The following KDM2B variants were observed in gnomAD, a reference collection of about 807,000 sequenced individuals.
KDM2B encodes lysine demethylase 2B.
A neutral mutation model predicts 150.0 loss-of-function variants in KDM2B; 26 were observed. That is an observed-to-expected ratio of 0.17 (90% CI 0.13 to 0.24). KDM2B has a LOEUF of 0.24. Among genes scored for constraint, KDM2B ranks in the 10% least tolerant of loss-of-function variants. The pLI is 1.00. For missense variants in KDM2B, 1,265 were observed against 1,816.9 expected, an observed-to-expected ratio of 0.70 and a Z score of 5.52; for synonymous variants, 734 against 729.5, an observed-to-expected ratio of 1.01 and a Z score of -0.10.
chr12:121,419,179 A>G, the KDM2B span, among the ~76,000 whole-genome samples: 2 of 152,078 alleles, frequency 1.3e-5, no homozygotes, highest in Admixed American at 6.6e-5. Context: ...TTGTGTTTAG[A>G]TATGTTTAGA....
At chr12:121,490,056 C>A (rs1883188801) in intron 12 of KDM2B, among the ~76,000 whole-genome samples, 1 of 152,238 alleles carries the variant, frequency 6.6e-6, no homozygotes, top group African/African-American at 2.4e-5. Flanking sequence ...GGGCCTCTCT[C>A]ACTGAATCAC....
the KDM2B span, chr12:121,423,447 T>C: frequency 6.2e-7 from 1 of 1,613,512 alleles, no homozygotes; most frequent in Non-Finnish European, 8.5e-7. The surrounding 1 kb of genome is among the most constrained non-coding windows in gnomAD (Gnocchi z 4.3). Context: ...TCTGCATGGA[T>C]GCCGTCATCG....
At chr12:121,480,926 T>G (rs1319797860) in intron 12 of KDM2B, among the ~76,000 whole-genome samples, 1 of 119,120 alleles carries the variant, frequency 8.4e-6, no homozygotes, top group Non-Finnish European at 1.9e-5. Flanking sequence ...AGGTGTTTTT[T>G]TTGTTGTTTT....
At chr12:121,505,354 T>C (rs1884976300) in intron 11 of KDM2B, among the ~76,000 whole-genome samples, 2 of 150,652 alleles carry the variant, frequency 1.3e-5, no homozygotes, top group Non-Finnish European at 2.9e-5. Context: ...ATGGTTAAAA[T>C]GGTAAATTGT....
At position 121,525,433 on chromosome 12, in the gene KDM2B, G is replaced by A. The variant is rs140692928; in HGVS notation, c.932-4333C>T. 7.7e-3 allele frequency among the ~76,000 whole-genome samples: 1,171 copies of A among 152,128 alleles called. 11 individuals are homozygous for A. Among genetic ancestry groups the A allele is most frequent in the African/African-American group, 0.027 (1,124 of 41,504 alleles). On this transcript the variant is annotated intron_variant, in intron 8 of 22. Transcript: ENST00000377071. ...AGGCACACAAATTTTTACTAGAGAT[G>A]AGGTTTTACCATGTTGGCCAAGCCG...
chr12:121,490,280 G>A (rs1395014344), intron 12 of KDM2B, among the ~76,000 whole-genome samples: 2 of 152,334 alleles, frequency 1.3e-5, no homozygotes, highest in East Asian at 3.9e-4. Flanking sequence ...AGCTACTGAT[G>A]AGGACTGTCT....
intron 12 of KDM2B, among the ~76,000 whole-genome samples, chr12:121,459,023 T>G (rs376138781): frequency 1.3e-5 from 2 of 150,154 alleles, no homozygotes; most frequent in African/African-American, 4.9e-5. Flanking sequence ...GAGGCAGAGG[T>G]TGTAGTGAGC....
intron 12 of KDM2B, among the ~76,000 whole-genome samples, chr12:121,487,006 G>A (rs1294134742): frequency 2.0e-5 from 3 of 150,796 alleles, no homozygotes; most frequent in East Asian, 2.0e-4. Context: ...TGGGTGTGGC[G>A]GCGCATGCCT....
chr12:121,579,989 G>GAA lies in KDM2B; in HGVS notation c.126+795_126+796dup, dbSNP rs35855511. Reference sequence around the variant, plus strand: ...CTATCATATGCCAGATACAGATTTGGAAAAAAAAAAAAAAAAAAAAAGCTA... The same window carrying GAA: ...CTATCATATGCCAGATACAGATTTGGAAAAAAAAAAAAAAAAAAAAAAAGCTA... On this transcript the variant is annotated intron_variant, in intron 1 of 22. Transcript: ENST00000377071. 9,717 of 1,197,156 alleles carry GAA rather than the reference G, an allele frequency of 8.1e-3. 9 individuals carry two copies. Among genetic ancestry groups the GAA allele is most frequent in the South Asian group, 0.013 (837 of 65,184 alleles). 74.2% of individuals were successfully genotyped at this position (1,197,156 alleles called of 1,614,324 possible).
chr12:121,534,716 T>A, intron 6 of KDM2B, 126 bp from the exon 7 acceptor site: 1 of 674,296 alleles, frequency 1.5e-6, no homozygotes, highest in Non-Finnish European at 2.5e-6. Flanking sequence ...ATTTTCTTTT[T>A]TTCTTCTTTA....
chr12:121,493,036 C>T (rs181611197), intron 12 of KDM2B, among the ~76,000 whole-genome samples: 38 of 140,986 alleles, frequency 2.7e-4, no homozygotes, highest in African/African-American at 9.8e-4. Flanking sequence ...GCTGGGACTA[C>T]AGGCATGCAC....
Position 121,453,387 on chromosome 12 carries a change from G to A in KDM2B, c.1735-43C>T. The A allele has an allele frequency of 6.8e-7, 1 of 1,467,888 alleles. No individual in the cohort carries two copies. Among genetic ancestry groups the A allele is most frequent in the Non-Finnish European group, 9.2e-7 (1 of 1,085,970 alleles). 90.9% of individuals were successfully genotyped at this position (1,467,888 alleles called of 1,614,324 possible). A position where few individuals can be genotyped will look rare whatever the true frequency, so the allele number is the denominator to read the frequency against. On this transcript the variant is annotated intron_variant, in intron 12 of 22. Transcript: ENST00000377071. This position sits in a 1 kb window ranked among gnomAD's most constrained non-coding sequence, Gnocchi z 6.4. ...CGACTGGTCAGATGGGGAGACTGCA[G>A]GCACGGCCAGACCCCCGGAAAGGGT...
At position 121,442,835 on chromosome 12, in the gene KDM2B, C is replaced by A; in HGVS notation, c.2606G>T (p.Arg869Leu). 6.6e-7 allele frequency: 1 copy of A among 1,517,946 alleles called. No homozygotes were observed. Among genetic ancestry groups the A allele is most frequent in the Non-Finnish European group, 8.8e-7 (1 of 1,137,916 alleles). The allele number at this position is 1,517,946 out of a possible 1,614,324, so 94.0% of individuals were successfully genotyped here. A position where few individuals can be genotyped will look rare whatever the true frequency, so the allele number is the denominator to read the frequency against. ...GKEDKLFRKK[R>L]RSWKNAEDRM... ...GTCCTCGGCGTTCTTCCAGGACCGC[C>A]GCTGAGGGCGAGAGCGGAGACGCGT... The change falls in exon 19 of 23, where the codon CGG becomes CTG. Residue 869 changes from arginine to leucine, a missense_variant and splice_region_variant. Around this residue, in one of 11 missense-constraint regions of KDM2B, gnomAD observed 418 missense variants for 402.4 expected, o/e 1.04. Coordinates refer to ENST00000377071, the MANE Select transcript of KDM2B (RefSeq NM_032590.5). The surrounding 1 kb of genome is among the most constrained non-coding windows in gnomAD (Gnocchi z 7.7).
chr12:121,509,733 G>A lies in KDM2B; in HGVS notation c.1481C>T (p.Pro494Leu), dbSNP rs782337879. The change falls in exon 11 of 23, where the codon CCC becomes CTC. Residue 494 changes from proline to leucine, a missense_variant. Pro to Leu is a moderately conservative substitution (Grantham distance 98). Around this residue, in one of 11 missense-constraint regions of KDM2B, gnomAD observed 154 missense variants for 162.5 expected, o/e 0.95. Coordinates refer to ENST00000377071, the MANE Select transcript of KDM2B (RefSeq NM_032590.5). ...TTLAVDYPKT[P>L]TGSPATEVSA... ...GACCTCCGTGGCGGGAGAGCCGGTG[G>A]GGGTCTTGGGGTAGTCTACGGCCAA... 2 of 1,614,110 alleles carry A rather than the reference G, an allele frequency of 1.2e-6. No homozygotes were observed. Among genetic ancestry groups the A allele is most frequent in the Admixed American group, 1.7e-5 (1 of 60,020 alleles).
Position 121,524,906 on chromosome 12 carries a change from C to T in KDM2B, c.932-3806G>A, listed in dbSNP as rs1440530857. On this transcript the variant is annotated intron_variant, in intron 8 of 22. Coordinates refer to ENST00000377071, the MANE Select transcript of KDM2B (RefSeq NM_032590.5). ...ACATTCTCTGGGACCTCAGGGGGCC[C>T]AAGAAGGGCAGCAGGGGCAGGTGGG... 7.1e-5 allele frequency: 18 copies of T among 252,846 alleles called. No individual in the cohort carries two copies. In the East Asian group the frequency reaches 2.1e-3, roughly 29 times the overall value. The allele number at this position is 252,846 out of a possible 1,614,324, so 15.7% of individuals were successfully genotyped here.
rs1342475521 is a variant in KDM2B at position 121,445,375 on chromosome 12, G to A, written c.2003C>T (p.Ala668Val). 1.2e-6 allele frequency: 2 copies of A among 1,610,024 alleles called. No individual in the cohort carries two copies. The highest frequency in any genetic ancestry group is 1.7e-6 in the Non-Finnish European group (2 of 1,177,772). ...HTAVCLVCGE[A>V]GKEDTVEEEE... Reference sequence around the variant, plus strand: ...CTCTTCCACCGTGTCTTCCTTCCCCGCCTCGCCACACACAAGGCACACGGC... The same window carrying A: ...CTCTTCCACCGTGTCTTCCTTCCCCACCTCGCCACACACAAGGCACACGGC... Residue 668 changes from alanine to valine, a missense_variant, in exon 14 of 23, where the codon GCG becomes GTG. This residue lies in a region of KDM2B where 30 missense variants were observed against 32.0 expected (regional missense o/e 0.94). Transcript: ENST00000377071.
the KDM2B span, chr12:121,416,497 A>G: frequency 1.4e-6 from 1 of 715,756 alleles, no homozygotes; most frequent in Admixed American, 2.7e-5. Context: ...GCTTAGTTCC[A>G]TTAGCCATTT....
At chr12:121,494,148 C>T (rs192926990) in intron 12 of KDM2B, 5 of 169,704 alleles carry the variant, frequency 2.9e-5, no homozygotes, top group South Asian at 1.3e-4. Flanking sequence ...TGAGCCACCG[C>T]GCTCGACCGA....
At position 121,442,202 on chromosome 12, in the gene KDM2B, T is replaced by C. The variant is rs1555288467; in HGVS notation, c.3239A>G (p.Gln1080Arg). 1.2e-6 allele frequency: 2 copies of C among 1,613,442 alleles called. No homozygotes were observed. The highest frequency in any genetic ancestry group is 1.7e-6 in the Non-Finnish European group (2 of 1,179,990). Residue 1080 changes from glutamine to arginine, a missense_variant, in exon 19 of 23, where the codon CAA (glutamine) becomes CGA (arginine). This residue lies in a region of KDM2B where 251 missense variants were observed against 397.8 expected (regional missense o/e 0.63). Coordinates refer to ENST00000377071, the MANE Select transcript of KDM2B (RefSeq NM_032590.5). The surrounding 1 kb of genome is among the most constrained non-coding windows in gnomAD (Gnocchi z 7.7). ...GACCCGCATGCACACACACAGGTCT[T>C]GGTGGCTGAGGTAGCTGAAGACGGC... ...WMAVFSYLSHQDLCVCMRVCR... is the reference protein window; with the variant it reads ...WMAVFSYLSHRDLCVCMRVCR...
Sources: allele counts gnomAD v4.1 joint callset (sites outside exome capture counted in the v4.1 genomes callset), GRCh38; gene constraint gnomAD v4.1.1; regional missense constraint gnomAD v4.1.1; non-coding constraint Gnocchi (gnomAD v3.1); transcripts MANE v1.5; gene names NCBI Gene and HGNC (gene_info 2026-07-23, HGNC 2026-07-21).